XPO7: variants seen among roughly 807,000 people sequenced by gnomAD.
XPO7 encodes exportin 7.
A neutral mutation model predicts 144.3 loss-of-function variants in XPO7; 21 were observed. The ratio of observed to expected loss-of-function variants is 0.15; its 90% CI spans 0.10 to 0.21. The LOEUF (loss-of-function observed/expected upper bound fraction) is 0.21, where lower values mean the gene tolerates loss of function less well. XPO7 is among the 10% of genes least tolerant of loss of function. The probability of loss-of-function intolerance (pLI) is 1.00; values close to 1 mark genes in which losing one functional copy is unlikely to be tolerated. For missense variants in XPO7, 808 were observed against 1,325.8 expected (o/e 0.61, Z 6.06); for synonymous variants, 580 against 499.6 (o/e 1.16, Z -2.15).
intron 1 of XPO7, among the ~76,000 whole-genome samples, chr8:21,931,835 G>T (rs952686622): frequency 6.6e-6 from 1 of 152,012 alleles, no homozygotes; most frequent in Non-Finnish European, 1.5e-5. Flanking sequence ...TCTAGAAAAG[G>T]CTTCTTTTTT....
rs149797861 is a variant in XPO7 at position 21,993,569 on chromosome 8, A to C, written c.2149-794A>C. 3.3e-5 allele frequency among the ~76,000 whole-genome samples: 5 copies of C among 152,252 alleles called. No homozygotes were observed. The East Asian group carries it at 9.7e-4, about 29-fold the overall frequency. ...TTTATTGCTGTTCATGTCCCAAGTA[A>C]AAGTTTTATTGAGAGAGTGAGTATT... On this transcript the variant is annotated intron_variant, in intron 19 of 27. Transcript: ENST00000252512.
At chr8:21,932,789 G>T (rs1585417988) in intron 1 of XPO7, among the ~76,000 whole-genome samples, 1 of 152,184 alleles carries the variant, frequency 6.6e-6, no homozygotes, top group African/African-American at 2.4e-5. Flanking sequence ...CTAGCGGCTA[G>T]TCGTCAACTG....
rs750219353 is a variant in XPO7 at position 21,981,891 on chromosome 8, T to G, written c.1104+14T>G. On this transcript the variant is annotated intron_variant, in intron 10 of 27. Transcript: ENST00000252512. ...ACCAGCCTACAGGTTTGTCTTTGAT[T>G]ACTTGTGTCTTCCTTCCTAAATACT... is the stretch of plus-strand genomic sequence containing the variant. The G allele has an allele frequency of 6.8e-6, 11 of 1,610,210 alleles. No individual in the cohort carries two copies. In the South Asian group the frequency reaches 1.1e-4, roughly 16 times the overall value.
In XPO7 at chr8:21,994,439, T is replaced by A. The variant is rs1428047031; in HGVS notation, c.2225T>A (p.Leu742His). ...AATGCCAAGACCAGCTTCATGATGC[T>A]CTTTGAATGGATGTATCCTAACTCA... Reference protein sequence around the residue: ...AFNAKTSFMMLFEWIYPSYMP... With the variant: ...AFNAKTSFMMHFEWIYPSYMP... The change falls in exon 20 of 28, where the codon CTC becomes CAC. Residue 742 changes from leucine (L) to histidine (H), a missense_variant. By Grantham distance (99) the Leu-to-His change is moderately conservative (BLOSUM62 -3). Transcript: ENST00000252512. 6.2e-7 allele frequency: 1 copy of A among 1,611,230 alleles called. No homozygotes were observed. Among genetic ancestry groups the A allele is most frequent in the Non-Finnish European group, 8.5e-7 (1 of 1,178,140 alleles).
intron 19 of XPO7, among the ~76,000 whole-genome samples, chr8:21,993,405 C>T (rs553820341): frequency 6.6e-6 from 1 of 152,310 alleles, no homozygotes; most frequent in African/African-American, 2.4e-5. Context: ...TACAAGCAGA[C>T]TGTTAACAGA....
intron 13 of XPO7, 63 bp downstream of exon 13, chr8:21,985,754 G>A: frequency 7.0e-7 from 1 of 1,419,506 alleles, no homozygotes; most frequent in Non-Finnish European, 9.9e-7. Context: ...TCCCCGATAG[G>A]GTCCTCTCCA....
chr8:21,939,051 T>C (rs1451900639), intron 1 of XPO7, among the ~76,000 whole-genome samples: 2 of 152,190 alleles, frequency 1.3e-5, no homozygotes, highest in African/African-American at 4.8e-5. Context: ...ACATGAAATA[T>C]ACTCCCCTTT....
intron 1 of XPO7, among the ~76,000 whole-genome samples, chr8:21,954,125 G>A (rs1379490547): frequency 6.6e-6 from 1 of 152,176 alleles, no homozygotes; most frequent in East Asian, 1.9e-4. Context: ...GTTTGAATCT[G>A]AAATCCTTTT....
intron 9 of XPO7, among the ~76,000 whole-genome samples, chr8:21,980,732 G>A (rs576156906): frequency 4.0e-5 from 6 of 150,976 alleles, no homozygotes; most frequent in African/African-American, 1.5e-4. Flanking sequence ...CCGAGATCAT[G>A]CCATTGCACT....
chr8:21,992,577 C>CTG (rs1227892694), intron 19 of XPO7, among the ~76,000 whole-genome samples: 3 of 152,040 alleles, frequency 2.0e-5, no homozygotes, highest in Non-Finnish European at 4.4e-5. Flanking sequence ...GAGACAGAGT[C>CTG]TGACTCTCTT....
chr8:21,919,751 A>G lies in XPO7; in HGVS notation c.-20A>G, dbSNP rs1810199240. The stretch of plus-strand genomic sequence containing the variant: ...CGCTGGGGGGGAGGGGGGGCCGGAG[A>G]GGAGCATGAATGGAGCAAAATGGCG... On this transcript the variant is annotated 5_prime_UTR_variant, in exon 1 of 28. Coordinates refer to ENST00000252512, the MANE Select transcript of XPO7 (RefSeq NM_015024.5). The G allele has an allele frequency of 3.9e-6, 2 of 508,718 alleles. No homozygotes were observed. The highest frequency in any genetic ancestry group is 5.5e-6 in the Non-Finnish European group (2 of 362,672). The allele number at this position is 508,718 out of a possible 1,614,324, so 31.5% of individuals were successfully genotyped here.
chr8:21,933,780 T>G (rs746129965), intron 1 of XPO7, among the ~76,000 whole-genome samples: 23 of 152,216 alleles, frequency 1.5e-4, no homozygotes, highest in Non-Finnish European at 2.2e-4. Context: ...GAATAGTAAC[T>G]GTTATCAGGT....
chr8:21,970,101 T>G (rs1344452580), intron 3 of XPO7, 43 bp from the exon 4 acceptor site: 3 of 1,581,944 alleles, frequency 1.9e-6, no homozygotes, highest in African/African-American at 2.7e-5. Context: ...GGCAGAGCTT[T>G]CTATTATGTG....
chr8:22,003,715 G>C (rs915817605), intron 26 of XPO7, among the ~76,000 whole-genome samples, 188 bp from the exon 27 acceptor site: 1 of 152,128 alleles, frequency 6.6e-6, no homozygotes, highest in African/African-American at 2.4e-5. Flanking sequence ...AAAAATTCTT[G>C]ATATTCTTAG....
At chr8:21,945,458 C>A (rs1811161682) in intron 1 of XPO7, among the ~76,000 whole-genome samples, 2 of 152,244 alleles carry the variant, frequency 1.3e-5, no homozygotes, top group African/African-American at 4.8e-5. Context: ...AATGCAAGAT[C>A]CTGCAGGTAG....
At chr8:21,976,315 A>G in intron 6 of XPO7, 41 bp from the exon 7 acceptor site, 1 of 1,597,612 alleles carries the variant, frequency 6.3e-7, no homozygotes, top group Non-Finnish European at 8.5e-7. Flanking sequence ...CTGGGAAGAG[A>G]GGAGTGATTT....
At chr8:21,953,077 A>G (rs916402728) in intron 1 of XPO7, among the ~76,000 whole-genome samples, 18 of 150,888 alleles carry the variant, frequency 1.2e-4, no homozygotes, top group Non-Finnish European at 2.4e-4. Context: ...TGGTATATTA[A>G]CAATTGATGG....
chr8:21,977,783 T>C lies in XPO7; in HGVS notation c.777T>C (p.Ser259=). The change falls in exon 8 of 28, where the codon TCT becomes TCC. Residue 259 remains serine, a synonymous_variant. Coordinates refer to ENST00000252512, the MANE Select transcript of XPO7 (RefSeq NM_015024.5). ...TTTCTTCCCCAGCCTTCTTAGATTCTTCAACCTTGCAGCTGTTTTTTGACC... is the reference window on the plus strand; with the variant it reads ...TTTCTTCCCCAGCCTTCTTAGATTCCTCAACCTTGCAGCTGTTTTTTGACC... ...PTSWRSAFLD[S]STLQLFFDLY... 6.2e-7 allele frequency: 1 copy of C among 1,613,990 alleles called. No individual in the cohort carries two copies. Among genetic ancestry groups the C allele is most frequent in the Non-Finnish European group, 8.5e-7 (1 of 1,179,878 alleles).
intron 14 of XPO7, 111 bp downstream of exon 14, chr8:21,987,387 G>C (rs990619056): frequency 1.4e-6 from 2 of 1,445,188 alleles, no homozygotes; most frequent in African/African-American, 2.8e-5. Context: ...TCACGTAATA[G>C]GACAGTCCAA....
Sources: gnomAD v4.1 joint callset for allele counts (sites outside exome capture counted in the v4.1 genomes callset) on GRCh38, gnomAD v4.1.1 for gene constraint, MANE v1.5 for transcripts, NCBI Gene and HGNC (gene_info 2026-07-23, HGNC 2026-07-21) for gene names.